Variants in PLCH1 observed in about 807,000 individuals in gnomAD.
PLCH1 encodes the protein 1-phosphatidylinositol 4,5-bisphosphate phosphodiesterase eta-1.
In PLCH1, 60 loss-of-function variants were observed where a neutral mutation model predicts 126.7. The ratio of observed to expected loss-of-function variants is 0.47; its 90% CI spans 0.38 to 0.59. PLCH1 has a LOEUF of 0.59. Among genes scored for constraint, PLCH1 ranks in the 20% least tolerant of loss-of-function variants. The pLI is 0.00. For missense variants in PLCH1, 1,723 were observed against 2,040.0 expected (o/e 0.84, Z 2.99); for synonymous variants, 719 against 734.9 (o/e 0.98, Z 0.35).
In PLCH1 at chr3:155,586,187, T is replaced by C; in HGVS notation, c.478A>G (p.Lys160Glu). Residue 160 changes from lysine to glutamate, a missense_variant, in exon 5 of 23, where the codon AAG becomes GAG. Lys to Glu is a moderately conservative substitution (Grantham distance 56, BLOSUM62 1). Coordinates refer to ENST00000460012, the MANE Select transcript of PLCH1 (RefSeq NM_014996.4). ...KRQRTHDQWV[K>E]QTFEEADKNG... The stretch of plus-strand genomic sequence containing the variant: ...TTATCAGCTTCCTCAAAGGTCTGCT[T>C]CACCCATGTGCAGAAAGGTCAAAGA... 1.9e-6 allele frequency: 3 copies of C among 1,614,112 alleles called. No individual in the cohort carries two copies. Among genetic ancestry groups the C allele is most frequent in the Non-Finnish European group, 2.5e-6 (3 of 1,179,970 alleles).
intron 6 of PLCH1, among the ~76,000 whole-genome samples, chr3:155,579,065 A>G (rs1730338627): frequency 6.6e-6 from 1 of 152,234 alleles, no homozygotes; most frequent in African/African-American, 2.4e-5. Context: ...TCCACTCTTC[A>G]TCAAACTAGC....
At chr3:155,469,121 G>A (rs531411047) in intron 21 of PLCH1, among the ~76,000 whole-genome samples, 1 of 152,204 alleles carries the variant, frequency 6.6e-6, no homozygotes, top group Admixed American at 6.5e-5. Flanking sequence ...CCCAACGTGA[G>A]CGACGCAGAA....
chr3:155,466,413 A>C (rs1712932658), intron 21 of PLCH1, among the ~76,000 whole-genome samples: 1 of 152,248 alleles, frequency 6.6e-6, no homozygotes, highest in Admixed American at 6.5e-5. Context: ...ATGAGTCTGC[A>C]AGAACCACAC....
chr3:155,564,064 C>T (rs1290210926), intron 8 of PLCH1, among the ~76,000 whole-genome samples: 1 of 152,148 alleles, frequency 6.6e-6, no homozygotes, highest in Non-Finnish European at 1.5e-5. Context: ...CCTCCCACCT[C>T]AGCCTCCCAG....
Position 155,482,102 on chromosome 3 carries a change from T to C in PLCH1, c.3924A>G (p.Pro1308=). ...GSPNTSRGWL[P]KSPTKGEDWE... Reference sequence around the variant, plus strand: ...AGTCTTCTCCCTTGGTAGGACTTTTTGGTAACCAGCCACGAGAAGTATTAG... The same window carrying C: ...AGTCTTCTCCCTTGGTAGGACTTTTCGGTAACCAGCCACGAGAAGTATTAG... The change falls in exon 23 of 23, where the codon CCA becomes CCG. Residue 1308 remains proline, a synonymous_variant. Coordinates refer to ENST00000460012, the MANE Select transcript of PLCH1 (RefSeq NM_014996.4). The C allele has an allele frequency of 6.2e-7, 1 of 1,614,196 alleles. No homozygotes were observed. Among genetic ancestry groups the C allele is most frequent in the Non-Finnish European group, 8.5e-7 (1 of 1,180,024 alleles).
chr3:155,473,294 G>C (rs1464707568), intron 21 of PLCH1, among the ~76,000 whole-genome samples: 1 of 151,766 alleles, frequency 6.6e-6, no homozygotes. Context: ...AACAGACAGA[G>C]AGCCAAATCA....
chr3:155,497,886 TG>T (rs1022864436), intron 14 of PLCH1, among the ~76,000 whole-genome samples: 23 of 152,074 alleles, frequency 1.5e-4, no homozygotes, highest in African/African-American at 5.6e-4. Flanking sequence ...GCTAATTTTT[TG>T]TAATTTTAGC....
chr3:155,498,304 G>A (rs1717373667), intron 14 of PLCH1, among the ~76,000 whole-genome samples: 1 of 152,214 alleles, frequency 6.6e-6, no homozygotes, highest in South Asian at 2.1e-4. Context: ...GTGAAAAGGT[G>A]AAAATGTTTG....
intron 1 of PLCH1, among the ~76,000 whole-genome samples, chr3:155,710,817 A>C (rs185817080): frequency 3.4e-5 from 5 of 149,102 alleles, no homozygotes; most frequent in Admixed American, 3.3e-4. Context: ...TGGGCAACAG[A>C]GCAAAAAACT....
At chr3:155,645,566 T>A (rs1183102739) in intron 2 of PLCH1, among the ~76,000 whole-genome samples, 1 of 152,144 alleles carries the variant, frequency 6.6e-6, no homozygotes, top group Admixed American at 6.6e-5. Context: ...AGCCTCAACC[T>A]CCCAGGCTCA....
intron 2 of PLCH1, among the ~76,000 whole-genome samples, chr3:155,644,534 C>CG (rs1739785181): frequency 6.6e-6 from 1 of 152,008 alleles, no homozygotes; most frequent in African/African-American, 2.4e-5. Flanking sequence ...ACCTGGGAGG[C>CG]GGAAGTTGCA....
chr3:155,612,595 A>G (rs1325867082), intron 2 of PLCH1, among the ~76,000 whole-genome samples: 1 of 152,090 alleles, frequency 6.6e-6, no homozygotes, highest in Non-Finnish European at 1.5e-5. Flanking sequence ...AAATTGATAG[A>G]CCATTATCAA....
At chr3:155,743,507 G>C (rs537337289) in intron 1 of PLCH1, 1 of 442,388 alleles carries the variant, frequency 2.3e-6, no homozygotes, top group African/African-American at 2.0e-5. Flanking sequence ...ACTCCAGCCT[G>C]GGCGACAGAG....
chr3:155,567,128 A>T (rs1728635745), intron 7 of PLCH1, among the ~76,000 whole-genome samples: 1 of 152,168 alleles, frequency 6.6e-6, no homozygotes, highest in Admixed American at 6.5e-5. Context: ...GTTGAAATGC[A>T]GTGGCACGGT....
chr3:155,673,725 T>C (rs1274228768), intron 2 of PLCH1, among the ~76,000 whole-genome samples: 2 of 152,190 alleles, frequency 1.3e-5, no homozygotes, highest in Non-Finnish European at 2.9e-5. Flanking sequence ...GGTTTCTTCC[T>C]GCTCAGAAAT....
intron 2 of PLCH1, among the ~76,000 whole-genome samples, chr3:155,647,336 C>T (rs1476857877): frequency 6.6e-6 from 1 of 151,848 alleles, no homozygotes; most frequent in Non-Finnish European, 1.5e-5. Context: ...TTAATATTCC[C>T]AGGATGAAAG....
rs759686215 is a variant in PLCH1 at position 155,481,185 on chromosome 3, G to T, written c.4841C>A (p.Pro1614His). 2 of 1,614,216 alleles carry T rather than the reference G, an allele frequency of 1.2e-6. No homozygotes were observed. Among genetic ancestry groups the T allele is most frequent in the South Asian group, 1.1e-5 (1 of 91,080 alleles). The change falls in exon 23 of 23, where the codon CCC becomes CAC. Residue 1614 changes from proline to histidine, a missense_variant. Pro to His is a moderately conservative substitution (Grantham distance 77, BLOSUM62 -2). Around this residue, in one of 2 missense-constraint regions of PLCH1, gnomAD observed 947 missense variants for 977.1 expected, o/e 0.97. Transcript: ENST00000460012. This position sits in a 1 kb window ranked among gnomAD's most constrained non-coding sequence, Gnocchi z 4.2. ...GVVLRNKPSA[P>H]TPAVNRHSTG... ...GGAGTGGCGATTCACTGCAGGGGTG[G>T]GTGCTGAGGGTTTGTTTCTAAGAAC... is the stretch of plus-strand genomic sequence containing the variant.
intron 8 of PLCH1, among the ~76,000 whole-genome samples, chr3:155,555,279 A>T (rs1325696998): frequency 2.0e-5 from 3 of 152,092 alleles, no homozygotes; most frequent in Non-Finnish European, 4.4e-5. Flanking sequence ...ACACAGCTGG[A>T]CTCTATTTCC....
chr3:155,604,934 G>A (rs539922224), intron 2 of PLCH1, among the ~76,000 whole-genome samples: 3 of 152,274 alleles, frequency 2.0e-5, no homozygotes, highest in South Asian at 2.1e-4. Flanking sequence ...AGATTGTAGC[G>A]AATCTGGTGT....
Sources: gnomAD v4.1 joint callset for allele counts (sites outside exome capture counted in the v4.1 genomes callset) on GRCh38, gnomAD v4.1.1 for gene constraint, gnomAD v4.1.1 regional missense constraint, Gnocchi (gnomAD v3.1) non-coding constraint, MANE v1.5 for transcripts, NCBI Gene and HGNC (gene_info 2026-07-23, HGNC 2026-07-21) for gene names.